Variants in MAJIN observed in about 807,000 individuals in gnomAD.
The protein encoded by MAJIN is membrane anchored junction protein.
In MAJIN, 27 loss-of-function variants were observed where a neutral mutation model predicts 30.2. That is an observed-to-expected ratio of 0.89 (90% confidence interval 0.66 to 1.23). MAJIN has a LOEUF of 1.23. Among genes scored for constraint, MAJIN ranks in the 50% most tolerant of loss-of-function variants. The pLI, the probability that MAJIN is intolerant of heterozygous loss-of-function variation, is 0.00. For missense variants in MAJIN, 253 were observed against 260.3 expected (o/e 0.97, Z 0.19); for synonymous variants, 78 against 91.6 (o/e 0.85, Z 0.85).
intron 4 of MAJIN, 57 bp from the exon 5 acceptor site, chr11:64,950,487 T>A: frequency 1.3e-6 from 2 of 1,502,822 alleles, no homozygotes; most frequent in Non-Finnish European, 1.8e-6. Flanking sequence ...AGTCTTTGTT[T>A]ATATTTGTCA....
chr11:64,953,609 G>T (rs1442512179), intron 4 of MAJIN, among the ~76,000 whole-genome samples: 1 of 152,160 alleles, frequency 6.6e-6, no homozygotes, highest in African/African-American at 2.4e-5. Context: ...TGGCCAACAT[G>T]ATGAAACCCC....
chr11:64,967,143 C>T (rs770425777), intron 1 of MAJIN, among the ~76,000 whole-genome samples: 5 of 151,612 alleles, frequency 3.3e-5, no homozygotes, highest in Non-Finnish European at 7.4e-5. Context: ...TGCTGTGGCT[C>T]ATACCTGTAA....
intron 1 of MAJIN, among the ~76,000 whole-genome samples, chr11:64,971,071 G>T (rs1192167949): frequency 6.6e-6 from 1 of 152,046 alleles, no homozygotes; most frequent in Non-Finnish European, 1.5e-5. Flanking sequence ...GAGGCGGGTG[G>T]ATATCCTGAA....
rs548340363 is a variant in MAJIN at position 64,941,460 on chromosome 11, A to G, written c.474-814T>C. ...CATCCGAGGTCAGCAGTTCGAGACC[A>G]GCCTGGCCAACATGGTCAAACCCTG... On this transcript the variant is annotated intron_variant, in intron 8 of 10. Transcript: ENST00000301896. Among the ~76,000 whole-genome samples the G allele has an allele frequency of 1.7e-3, 256 of 152,276 alleles. 2 individuals carry two copies. The highest frequency in any genetic ancestry group is 5.9e-3 in the African/African-American group (245 of 41,570).
At chr11:64,951,297 C>G (rs1242701888) in intron 4 of MAJIN, among the ~76,000 whole-genome samples, 1 of 152,052 alleles carries the variant, frequency 6.6e-6, no homozygotes, top group African/African-American at 2.4e-5. Flanking sequence ...TTTTTTCACT[C>G]ACTTTAAATT....
At chr11:64,961,418 C>T (rs185867562) in intron 1 of MAJIN, among the ~76,000 whole-genome samples, 6 of 149,612 alleles carry the variant, frequency 4.0e-5, no homozygotes, top group East Asian at 4.0e-4. Flanking sequence ...CTGCCTGCTT[C>T]GTCCTCCCAA....
At chr11:64,942,848 G>T (rs2083956676) in intron 8 of MAJIN, among the ~76,000 whole-genome samples, 1 of 152,150 alleles carries the variant, frequency 6.6e-6, no homozygotes, top group Non-Finnish European at 1.5e-5. Context: ...ATGAAACTAT[G>T]GTTTGGGGCT....
chr11:64,951,899 GT>G (rs901167632), intron 4 of MAJIN, among the ~76,000 whole-genome samples: 4 of 150,782 alleles, frequency 2.7e-5, no homozygotes, highest in African/African-American at 9.8e-5. Context: ...ACTGTTTTTT[GT>G]TTTTTTGAGA....
At chr11:64,947,530 C>T (rs1945470207) in intron 7 of MAJIN, 65 bp from the exon 8 acceptor site, 1 of 1,509,530 alleles carries the variant, frequency 6.6e-7, no homozygotes, top group Admixed American at 1.8e-5. Flanking sequence ...CATGAAGGCA[C>T]AGTGAAGAAA....
In MAJIN at chr11:64,971,476, AAGG is replaced by A. The variant is rs201940825; in HGVS notation, c.-65+398_-65+400del. ...CGGAGGAAGTTGCGGGGGGGCGGGG[AAGG>A]AGGAGGAGGAGGAGGGTGAAGCGCT... On this transcript the variant is annotated intron_variant, in intron 1 of 10. Transcript: ENST00000301896. Among the ~76,000 whole-genome samples, 1,142 of 145,076 alleles carry A rather than the reference AAGG, an allele frequency of 7.9e-3. 8 individuals carry two copies. Among genetic ancestry groups the A allele is most frequent in the Non-Finnish European group, 0.014 (926 of 66,060 alleles).
chr11:64,938,400 T>A lies in MAJIN; in HGVS notation c.*175A>T, dbSNP rs1176530844. ...AGGACACGATAAAACCACAGAGGACTCAGCATGGGGACCTCATTCCCCACG... is the reference window on the plus strand; with the variant it reads ...AGGACACGATAAAACCACAGAGGACACAGCATGGGGACCTCATTCCCCACG... On this transcript the variant is annotated 3_prime_UTR_variant, in exon 11 of 11. Transcript: ENST00000301896. 7 of 1,060,774 alleles carry A rather than the reference T, an allele frequency of 6.6e-6. 1 individual carries two copies. Among genetic ancestry groups the A allele is most frequent in the Non-Finnish European group, 9.7e-6 (7 of 721,318 alleles). 65.7% of individuals were successfully genotyped at this position (1,060,774 alleles called of 1,614,324 possible). A position where few individuals can be genotyped will look rare whatever the true frequency, so the allele number is the denominator to read the frequency against.
At chr11:64,950,213 C>A in intron 5 of MAJIN, 142 bp downstream of exon 5, 1 of 731,458 alleles carries the variant, frequency 1.4e-6, no homozygotes, top group Admixed American at 3.0e-5. Flanking sequence ...GCCTGTAATC[C>A]CAGCTACTGG....
chr11:64,960,369 C>T (rs1448185076), intron 1 of MAJIN, among the ~76,000 whole-genome samples: 2 of 152,162 alleles, frequency 1.3e-5, no homozygotes, highest in African/African-American at 2.4e-5. Context: ...TTCTTACTTA[C>T]ACAATAACAA....
chr11:64,953,107 A>T (rs1041977529), intron 4 of MAJIN, among the ~76,000 whole-genome samples: 7 of 152,236 alleles, frequency 4.6e-5, no homozygotes, highest in Admixed American at 4.6e-4. Context: ...GCACCTTGGA[A>T]ATATGACATA....
intron 4 of MAJIN, among the ~76,000 whole-genome samples, chr11:64,953,350 T>C (rs1945583664): frequency 6.6e-6 from 1 of 152,208 alleles, no homozygotes; most frequent in African/African-American, 2.4e-5. Flanking sequence ...AATTAGAAGC[T>C]AGACACTATC....
At chr11:64,956,736 T>C (rs1362254919) in intron 3 of MAJIN, among the ~76,000 whole-genome samples, 2 of 151,578 alleles carry the variant, frequency 1.3e-5, no homozygotes, top group Non-Finnish European at 2.9e-5. Flanking sequence ...TAGTCCTACC[T>C]TTCCAAACTA....
chr11:64,971,026 G>A (rs372814499), intron 1 of MAJIN, among the ~76,000 whole-genome samples: 12 of 152,156 alleles, frequency 7.9e-5, no homozygotes, highest in African/African-American at 2.4e-4. Flanking sequence ...CGGGCAAAGC[G>A]GCTCACACCT....
chr11:64,966,256 C>T (rs1945808108), intron 1 of MAJIN, among the ~76,000 whole-genome samples: 2 of 150,748 alleles, frequency 1.3e-5, no homozygotes, highest in African/African-American at 4.9e-5. Flanking sequence ...TTGATACAGC[C>T]AGGCACAGTG....
chr11:64,939,476 C>A (rs1945340156), intron 10 of MAJIN, among the ~76,000 whole-genome samples, 186 bp downstream of exon 10: 1 of 152,226 alleles, frequency 6.6e-6, no homozygotes, highest in African/African-American at 2.4e-5. Context: ...ATAAGTAAAA[C>A]ACAGTCTTTA....
Sources: allele counts gnomAD v4.1 joint callset (sites outside exome capture counted in the v4.1 genomes callset), GRCh38; gene constraint gnomAD v4.1.1; transcripts MANE v1.5; gene names NCBI Gene and HGNC (gene_info 2026-07-23, HGNC 2026-07-21).